ZNF69: variants seen among roughly 807,000 people sequenced by gnomAD.
ZNF69 encodes the protein ZNF3.
A neutral mutation model predicts 50.9 loss-of-function variants in ZNF69; 47 were observed. The ratio of observed to expected loss-of-function variants is 0.92; its 90% CI spans 0.73 to 1.18. The LOEUF is 1.18. Among genes scored for constraint, ZNF69 ranks in the 50% most tolerant of loss-of-function variants. The pLI, the probability that ZNF69 is intolerant of heterozygous loss-of-function variation, is 0.00. For synonymous variants in ZNF69, 216 were observed against 223.1 expected, an observed-to-expected ratio of 0.97 and a Z score of 0.29; for missense variants, 717 against 675.1, an observed-to-expected ratio of 1.06 and a Z score of -0.69.
the ZNF69 span, chr19:11,953,426 C>A: frequency 1.3e-5 from 2 of 152,198 alleles, no homozygotes; most frequent in Non-Finnish European, 2.9e-5. Flanking sequence ...AGGAAGGCCA[C>A]TAATTTTAGA....
the ZNF69 span, among the ~76,000 whole-genome samples, chr19:11,936,424 T>C: frequency 6.6e-6 from 1 of 152,266 alleles, no homozygotes; most frequent in African/African-American, 2.4e-5. Context: ...TGATTTGCAT[T>C]TCTCTGATGA....
intron 4 of ZNF69, chr19:11,913,266 T>A (rs1340594090): frequency 2.2e-6 from 1 of 449,898 alleles, no homozygotes; most frequent in East Asian, 3.6e-5. Flanking sequence ...TGTTAAATTG[T>A]TATTATTTGG....
rs4071659 is a variant in ZNF69 at position 11,892,135 on chromosome 19, ATTTTTT to A, written c.63+4167_63+4172del. ...AGTCGCCCACCAGCACTCCTGGCTG[ATTTTTT>A]TTTTTTTTTTTTTTTTTGTATGCAG... On this transcript the variant is annotated intron_variant, in intron 1 of 3. Coordinates refer to ENST00000429654, the MANE Select transcript of ZNF69 (RefSeq NM_001364730.1). Among the ~76,000 whole-genome samples the A allele has an allele frequency of 1.9e-3, 217 of 113,908 alleles. 2 individuals are homozygous for A. The South Asian group carries it at 0.035, about 18-fold the overall frequency. 74.7% of individuals were successfully genotyped at this position (113,908 alleles called of 152,430 possible). A position where few individuals can be genotyped will look rare whatever the true frequency, so the allele number is the denominator to read the frequency against.
chr19:11,974,568 C>G, the ZNF69 span, among the ~76,000 whole-genome samples: 25 of 126,858 alleles, frequency 2.0e-4, no homozygotes, highest in African/African-American at 7.9e-4. Flanking sequence ...TAATTACATT[C>G]TTTAGGGGGA....
chr19:11,961,600 G>C, the ZNF69 span: 2 of 148,410 alleles, frequency 1.3e-5, no homozygotes, highest in African/African-American at 5.2e-5. Flanking sequence ...CTAACAGCTA[G>C]GGACAAAAAG....
chr19:11,949,359 C>T, the ZNF69 span: 35 of 1,613,594 alleles, frequency 2.2e-5, no homozygotes, highest in Non-Finnish European at 2.5e-5. Context: ...GAGAGAAACC[C>T]TATGAATGTA....
chr19:11,919,734 G>A, the ZNF69 span, among the ~76,000 whole-genome samples: 1 of 152,148 alleles, frequency 6.6e-6, no homozygotes, highest in Admixed American at 6.6e-5. Context: ...TGTCTCTCCA[G>A]CATGTGAGGA....
intron 1 of ZNF69, among the ~76,000 whole-genome samples, chr19:11,901,951 T>G (rs971067359): frequency 5.3e-5 from 8 of 151,982 alleles, no homozygotes; most frequent in African/African-American, 1.9e-4. Context: ...TTCATGCATG[T>G]TGTAGTATAG....
downstream of ZNF69, among the ~76,000 whole-genome samples, chr19:11,906,784 C>T (rs150235135): frequency 1.3e-3 from 192 of 152,318 alleles, 2 homozygotes; most frequent in East Asian, 6.7e-3. Flanking sequence ...TCCAAAGGAA[C>T]GCAGCTCCTC....
the ZNF69 span, among the ~76,000 whole-genome samples, chr19:11,955,456 C>T: frequency 1.3e-5 from 2 of 150,282 alleles, no homozygotes; most frequent in African/African-American, 4.9e-5. Flanking sequence ...TGCAGTGGCA[C>T]AATCTCAGCT....
the ZNF69 span, among the ~76,000 whole-genome samples, chr19:11,921,699 C>T: frequency 1.3e-5 from 2 of 152,040 alleles, no homozygotes; most frequent in Admixed American, 6.6e-5. Context: ...GACAGGGTTT[C>T]ACCATCTTGG....
the ZNF69 span, among the ~76,000 whole-genome samples, chr19:11,962,310 ATTCT>A: frequency 7.0e-4 from 106 of 152,298 alleles, no homozygotes; most frequent in African/African-American, 2.6e-3. Context: ...TGAGAGAAAG[ATTCT>A]TTCTTAAGGA....
downstream of ZNF69, among the ~76,000 whole-genome samples, chr19:11,915,829 A>G (rs1335636979): frequency 3.3e-5 from 5 of 152,180 alleles, no homozygotes; most frequent in Non-Finnish European, 7.4e-5. Flanking sequence ...GCTTAAACTC[A>G]CAAGGCGGAG....
At chr19:11,921,627 T>C in the ZNF69 span, among the ~76,000 whole-genome samples, 1 of 151,982 alleles carries the variant, frequency 6.6e-6, no homozygotes, top group African/African-American at 2.4e-5. Flanking sequence ...CTCAGCCTCC[T>C]GAGTAGCTGG....
the ZNF69 span, among the ~76,000 whole-genome samples, chr19:11,957,678 C>G: frequency 1.3e-5 from 2 of 151,728 alleles, no homozygotes; most frequent in East Asian, 2.0e-4. Context: ...AACACCATCT[C>G]TATGAAAAAT....
Position 11,887,907 on chromosome 19 carries a change from A to G in ZNF69, c.-17A>G. The G allele has an allele frequency of 1.2e-6, 2 of 1,608,390 alleles. No homozygotes were observed. The highest frequency in any genetic ancestry group is 1.7e-6 in the Non-Finnish European group (2 of 1,176,606). On this transcript the variant is annotated 5_prime_UTR_variant, in exon 1 of 4. Transcript: ENST00000429654. ...TGGTTCCTCTGCCCAGGCTTCTGTC[A>G]CTCTGTCACCTACGCTATGCCCTGC... is the stretch of plus-strand genomic sequence containing the variant.
chr19:11,902,740 A>G (rs1006945933), intron 1 of ZNF69, among the ~76,000 whole-genome samples: 4 of 151,420 alleles, frequency 2.6e-5, no homozygotes, highest in African/African-American at 9.7e-5. Context: ...ATATCATCAA[A>G]GATTACACTT....
chr19:11,905,482 G>A lies in ZNF69; in HGVS notation c.1085G>A (p.Cys362Tyr). 6.2e-7 allele frequency: 1 copy of A among 1,614,206 alleles called. No individual in the cohort carries two copies. The highest frequency in any genetic ancestry group is 1.1e-5 in the South Asian group (1 of 91,080). ...RMHSGERPYECKICGKGFCSA... is the reference protein window; with the variant it reads ...RMHSGERPYEYKICGKGFCSA... ...CACTCTGGAGAAAGACCTTATGAAT[G>A]TAAGATATGTGGGAAAGGCTTTTGT... Residue 362 changes from cysteine (C) to tyrosine (Y), a missense_variant, in exon 4 of 4, where the codon TGT becomes TAT. By Grantham distance (194) the Cys-to-Tyr change is radical. Coordinates refer to ENST00000429654, the MANE Select transcript of ZNF69 (RefSeq NM_001364730.1).
At chr19:11,925,090 A>G in the ZNF69 span, 1 of 1,136,498 alleles carries the variant, frequency 8.8e-7, no homozygotes, top group Admixed American at 2.2e-5. Context: ...TCATCCGGAA[A>G]TGGAGGGGGT....
Sources: allele counts gnomAD v4.1 joint callset (sites outside exome capture counted in the v4.1 genomes callset), GRCh38; gene constraint gnomAD v4.1.1; transcripts MANE v1.5; gene names NCBI Gene and HGNC (gene_info 2026-07-23, HGNC 2026-07-21).